TLL2: variants seen among roughly 807,000 people sequenced by gnomAD.
TLL2 encodes the protein tolloid-like protein 2.
Under a neutral mutation model 123.0 loss-of-function variants are expected in TLL2, and 106 were observed. The ratio of observed to expected loss-of-function variants is 0.86; its 90% CI spans 0.74 to 1.01. TLL2 has a LOEUF of 1.01. Ranked by LOEUF, TLL2 falls within the 50% of genes least tolerant of loss-of-function variation. The pLI is 0.00. For missense variants in TLL2, 1,332 were observed against 1,336.7 expected, an observed-to-expected ratio of 1.00 and a Z score of 0.06; for synonymous variants, 494 against 516.8, an observed-to-expected ratio of 0.96 and a Z score of 0.60.
intron 13 of TLL2, among the ~76,000 whole-genome samples, chr10:96,394,394 GAGA>G (rs1268048764): frequency 6.6e-6 from 1 of 152,200 alleles, no homozygotes; most frequent in Non-Finnish European, 1.5e-5. Context: ...CCTGACAGCA[GAGA>G]AGGAGGACCT....
chr10:96,452,381 G>A (rs935997850), intron 2 of TLL2, among the ~76,000 whole-genome samples: 1 of 152,188 alleles, frequency 6.6e-6, no homozygotes, highest in Non-Finnish European at 1.5e-5. Flanking sequence ...AGAGTCCAAC[G>A]TGGCTGGAGC....
Position 96,432,877 on chromosome 10 carries a change from G to C in TLL2, c.450C>G (p.Ala150=). Residue 150 remains alanine, a synonymous_variant, in exon 4 of 21, where the codon GCC becomes GCG. Transcript: ENST00000357947. ...ATATCCTCTCTGTCCTTGAGGTTGT[G>C]GCTCTTCGGACCCGGGGAGAGAAGG... ...AKTFSPRVRR[A]TTSRTERIWP... is the part of the protein sequence containing the mutation. 1 of 1,614,128 alleles carries C rather than the reference G, an allele frequency of 6.2e-7. No individual in the cohort carries two copies. The highest frequency in any genetic ancestry group is 8.5e-7 in the Non-Finnish European group (1 of 1,180,028).
At chr10:96,429,621 A>C (rs1387136759) in intron 4 of TLL2, among the ~76,000 whole-genome samples, 1 of 152,164 alleles carries the variant, frequency 6.6e-6, no homozygotes, top group East Asian at 1.9e-4. Context: ...CAGGCTTTTG[A>C]AGTAGGGGGG....
chr10:96,413,548 T>C (rs1041895442), intron 7 of TLL2, among the ~76,000 whole-genome samples: 1 of 152,146 alleles, frequency 6.6e-6, no homozygotes, highest in Admixed American at 6.5e-5. Context: ...CTCTGCCAAG[T>C]GTAAAAATAT....
chr10:96,482,369 A>G (rs992183277), intron 1 of TLL2, among the ~76,000 whole-genome samples: 1 of 152,224 alleles, frequency 6.6e-6, no homozygotes, highest in Non-Finnish European at 1.5e-5. Flanking sequence ...ATACAAAGAC[A>G]TGCTCAAAGG....
chr10:96,440,365 T>A (rs1277893785), intron 3 of TLL2, among the ~76,000 whole-genome samples: 1 of 152,186 alleles, frequency 6.6e-6, no homozygotes, highest in Non-Finnish European at 1.5e-5. Flanking sequence ...ATTCTAAAAA[T>A]AAACAGCCCA....
rs778220022 is a variant in TLL2, at chr10:96,413,203, T to A, written c.1037A>T (p.Tyr346Phe). The A allele has an allele frequency of 6.2e-7, 1 of 1,614,114 alleles. No homozygotes were observed. The highest frequency in any genetic ancestry group is 8.5e-7 in the Non-Finnish European group (1 of 1,179,962). Residue 346 changes from tyrosine to phenylalanine, a missense_variant, in exon 8 of 21, where the codon TAC (tyrosine) becomes TTC (phenylalanine). Tyr to Phe is a conservative substitution (Grantham distance 22, BLOSUM62 3). Coordinates refer to ENST00000357947, the MANE Select transcript of TLL2 (RefSeq NM_012465.4). ...QGDIAQARKLYKCPACGETLQ... is the reference protein window; with the variant it reads ...QGDIAQARKLFKCPACGETLQ... ...CGGCTCATAGTTACCTGGGCATTTGTACAGCTTCCGGGCTTGAGCTATGTC... is the reference window on the plus strand; with the variant it reads ...CGGCTCATAGTTACCTGGGCATTTGAACAGCTTCCGGGCTTGAGCTATGTC...
chr10:96,419,590 AG>A (rs1406932514), intron 7 of TLL2, among the ~76,000 whole-genome samples: 1 of 152,208 alleles, frequency 6.6e-6, no homozygotes, highest in Non-Finnish European at 1.5e-5. Context: ...CGAAGATGCC[AG>A]CTTTAACACA....
chr10:96,495,957 A>C (rs1847470904), intron 1 of TLL2, among the ~76,000 whole-genome samples: 1 of 152,172 alleles, frequency 6.6e-6, no homozygotes, highest in East Asian at 1.9e-4. Flanking sequence ...GACTTGGAAA[A>C]CTTTAAAACT....
chr10:96,422,740 A>C lies in TLL2; in HGVS notation c.639-13T>G. ...ATAGGAGCAACAGCTGGACAATTGC[A>C]GGAATACCCAGGTCAGCAGGTCAGA... On this transcript the variant is annotated splice_polypyrimidine_tract_variant and intron_variant, in intron 5 of 20. Coordinates refer to ENST00000357947, the MANE Select transcript of TLL2 (RefSeq NM_012465.4). 6.2e-7 allele frequency: 1 copy of C among 1,613,976 alleles called. No individual in the cohort carries two copies.
intron 16 of TLL2, 41 bp downstream of exon 16, chr10:96,384,546 C>T: frequency 6.7e-7 from 1 of 1,493,776 alleles, no homozygotes; most frequent in Non-Finnish European, 9.0e-7. Context: ...GCAAAGCCGC[C>T]TCACTCGCGC....
At chr10:96,426,970 T>C (rs959399007) in intron 5 of TLL2, among the ~76,000 whole-genome samples, 1 of 152,198 alleles carries the variant, frequency 6.6e-6, no homozygotes, top group African/African-American at 2.4e-5. Flanking sequence ...ATTGTCACTA[T>C]TGTCAACGGG....
intron 1 of TLL2, among the ~76,000 whole-genome samples, chr10:96,484,777 A>G (rs1411234491): frequency 6.6e-6 from 1 of 152,204 alleles, no homozygotes; most frequent in Non-Finnish European, 1.5e-5. Flanking sequence ...GATCAAATAT[A>G]ATTTGAAATT....
rs1014785157 is a variant in TLL2, at chr10:96,370,438, G to T, written c.2663-123C>A. The T allele has an allele frequency of 2.2e-6, 3 of 1,337,890 alleles. No individual in the cohort carries two copies. In the African/African-American group the frequency reaches 4.5e-5, roughly 20 times the overall value. The allele number at this position is 1,337,890 out of a possible 1,614,324, so 82.9% of individuals were successfully genotyped here. On this transcript the variant is annotated intron_variant, in intron 19 of 20. Coordinates refer to ENST00000357947, the MANE Select transcript of TLL2 (RefSeq NM_012465.4). The stretch of plus-strand genomic sequence containing the variant: ...CTGGCAGGAGAGGCCAGGTAGTCTC[G>T]TCACCCCATTTGATGGAGGAGTACA...
chr10:96,458,134 C>G (rs959321365), intron 2 of TLL2, among the ~76,000 whole-genome samples: 1 of 151,994 alleles, frequency 6.6e-6, no homozygotes, highest in Non-Finnish European at 1.5e-5. Flanking sequence ...ATGCTGCTCG[C>G]CAGGCAGGAA....
At chr10:96,465,846 C>A (rs142023811) in intron 2 of TLL2, among the ~76,000 whole-genome samples, 3 of 152,192 alleles carry the variant, frequency 2.0e-5, no homozygotes, top group African/African-American at 7.2e-5. Context: ...CTCTGTTGAT[C>A]GTTGCCATGT....
At chr10:96,498,736 TC>T (rs976967463) in intron 1 of TLL2, among the ~76,000 whole-genome samples, 6 of 152,202 alleles carry the variant, frequency 3.9e-5, no homozygotes, top group African/African-American at 1.4e-4. Flanking sequence ...CTTTTACTTT[TC>T]CACCCCTTCC....
At chr10:96,452,484 C>T (rs1846971133) in intron 2 of TLL2, among the ~76,000 whole-genome samples, 1 of 152,220 alleles carries the variant, frequency 6.6e-6, no homozygotes, top group Non-Finnish European at 1.5e-5. Flanking sequence ...TCTTACCTTT[C>T]TGACCATGTC....
intron 4 of TLL2, 80 bp downstream of exon 4, chr10:96,432,727 G>T: frequency 6.5e-7 from 1 of 1,530,746 alleles, no homozygotes; most frequent in African/African-American, 1.4e-5. Flanking sequence ...ATCCCACCCG[G>T]GTCCTTCCTA....
Sources: allele counts gnomAD v4.1 joint callset (sites outside exome capture counted in the v4.1 genomes callset), GRCh38; gene constraint gnomAD v4.1.1; transcripts MANE v1.5; gene names NCBI Gene and HGNC (gene_info 2026-07-23, HGNC 2026-07-21).